The following NMNAT3 variants were observed in gnomAD, a reference collection of about 807,000 sequenced individuals.
NMNAT3 encodes nicotinamide nucleotide adenylyltransferase 3, also known as nicotinamide/nicotinic acid mononucleotide adenylyltransferase 3.
Under a neutral mutation model 24.8 loss-of-function variants are expected in NMNAT3, and 21 were observed. That is an observed-to-expected ratio of 0.85 (90% CI 0.60 to 1.22). The LOEUF (loss-of-function observed/expected upper bound fraction) is 1.22, where lower values mean the gene tolerates loss of function less well. NMNAT3 is among the 50% of genes most tolerant of loss of function. The pLI is 0.00. For missense variants in NMNAT3, 387 were observed against 436.6 expected (o/e 0.89, Z 1.01); for synonymous variants, 136 against 155.2 (o/e 0.88, Z 0.92).
chr3:139,588,272 G>A (rs1035121879), intron 3 of NMNAT3, among the ~76,000 whole-genome samples: 7 of 152,060 alleles, frequency 4.6e-5, no homozygotes, highest in Non-Finnish European at 5.9e-5. Flanking sequence ...GACACTGAGC[G>A]CTCCTTAAGG....
intron 5 of NMNAT3, chr3:139,575,749 C>T: frequency 1.8e-6 from 2 of 1,118,782 alleles, no homozygotes; most frequent in Admixed American, 8.9e-5. Flanking sequence ...CTGAGTGGTA[C>T]CTTGGGCCTG....
chr3:139,665,119 G>A (rs1397244935), intron 1 of NMNAT3, among the ~76,000 whole-genome samples: 8 of 152,126 alleles, frequency 5.3e-5, no homozygotes, highest in African/African-American at 1.9e-4. Flanking sequence ...AGTAGTTCTG[G>A]GCTGACCTGG....
At chr3:139,573,730 A>G (rs370071639) in intron 5 of NMNAT3, 50 bp from the exon 6 acceptor site, 8 of 1,037,758 alleles carry the variant, frequency 7.7e-6, no homozygotes, top group East Asian at 2.7e-5. Context: ...CCAGCCCTCA[A>G]AGCCACCCAG....
chr3:139,622,780 G>C (rs540159417), intron 3 of NMNAT3, among the ~76,000 whole-genome samples: 9 of 135,868 alleles, frequency 6.6e-5, no homozygotes, highest in East Asian at 2.1e-4. Context: ...TCATATATAT[G>C]ATATATATAT....
intron 3 of NMNAT3, among the ~76,000 whole-genome samples, chr3:139,622,738 A>C (rs1303945131): frequency 6.9e-6 from 1 of 145,976 alleles, no homozygotes; most frequent in Admixed American, 7.0e-5. Flanking sequence ...CTGTCTCAAA[A>C]AAAAAGTGTG....
chr3:139,578,768 T>C, intron 5 of NMNAT3, 104 bp downstream of exon 5: 3 of 991,254 alleles, frequency 3.0e-6, no homozygotes, highest in Non-Finnish European at 4.3e-6. Context: ...TGAGAAGGTC[T>C]GGCAGAAACC....
At chr3:139,566,201 A>G (rs1297252113) in intron 6 of NMNAT3, 1 of 152,038 alleles carries the variant, frequency 6.6e-6, no homozygotes, top group African/African-American at 2.4e-5. Flanking sequence ...CCACTTTCTG[A>G]TGGAGTTGTT....
rs192147593 is a variant in NMNAT3, at chr3:139,621,500, T to C, written c.109+6116A>G. On this transcript the variant is annotated intron_variant, in intron 3 of 6. Coordinates refer to ENST00000643695, the MANE Select transcript of NMNAT3 (RefSeq NM_001320510.2). ...GATTCTCATGCCTCTGCCTCCCGAG[T>C]AGCTGTGATTACAGGTGTGTACCAC... Among the ~76,000 whole-genome samples the C allele has an allele frequency of 4.6e-5, 7 of 152,260 alleles. No homozygotes were observed. The South Asian group carries it at 1.5e-3, about 32-fold the overall frequency.
intron 3 of NMNAT3, among the ~76,000 whole-genome samples, chr3:139,600,929 CT>C (rs1183386269): frequency 6.6e-6 from 1 of 152,160 alleles, no homozygotes. Flanking sequence ...TGACCAGAAT[CT>C]TTTCGCAGTA....
chr3:139,592,363 G>T (rs974874563), intron 3 of NMNAT3, among the ~76,000 whole-genome samples: 46 of 152,226 alleles, frequency 3.0e-4, no homozygotes, highest in African/African-American at 7.0e-4. Flanking sequence ...TGAAAGTGAC[G>T]GGGAGAATGG....
At chr3:139,574,043 C>A (rs1938893388) in intron 5 of NMNAT3, among the ~76,000 whole-genome samples, 1 of 152,146 alleles carries the variant, frequency 6.6e-6, no homozygotes, top group African/African-American at 2.4e-5. Flanking sequence ...GACTTGAATT[C>A]AAGACACATT....
rs764992115 is a variant in NMNAT3, at chr3:139,578,946, C to T, written c.501G>A (p.Gln167=). The T allele has an allele frequency of 6.2e-7, 1 of 1,614,226 alleles. No individual in the cohort carries two copies. Among genetic ancestry groups the T allele is most frequent in the South Asian group, 1.1e-5 (1 of 91,088 alleles). ...GGTCCACCCGGATCCAGTCGGATGT[C>T]TGCAGGGCCAGCCGGGCCATGGCCA... Residue 167 remains glutamine, a synonymous_variant, in exon 5 of 7, where the codon CAG becomes CAA. Coordinates refer to ENST00000643695, the MANE Select transcript of NMNAT3 (RefSeq NM_001320510.2).
In NMNAT3 at chr3:139,583,159, C is replaced by T; in HGVS notation, c.159G>A (p.Gln53=). The change falls in exon 4 of 7, where the codon CAG becomes CAA. Residue 53 remains glutamine, a synonymous_variant. Coordinates refer to ENST00000643695, the MANE Select transcript of NMNAT3 (RefSeq NM_001320510.2). ...AAGAAATATCTTTTATTGAGATAGACTGAGGTCCAGGAAAAACAAGTGCAA... is the reference window on the plus strand; with the variant it reads ...AAGAAATATCTTTTATTGAGATAGATTGAGGTCCAGGAAAAACAAGTGCAA... The T allele has an allele frequency of 2.2e-6, 3 of 1,344,188 alleles. No individual in the cohort carries two copies. Among genetic ancestry groups the T allele is most frequent in the Admixed American group, 1.8e-5 (1 of 56,140 alleles). The allele number at this position is 1,344,188 out of a possible 1,614,324, so 83.3% of individuals were successfully genotyped here. A position where few individuals can be genotyped will look rare whatever the true frequency, so the allele number is the denominator to read the frequency against.
At chr3:139,626,070 AG>A (rs1232842922) in intron 3 of NMNAT3, among the ~76,000 whole-genome samples, 1 of 151,862 alleles carries the variant, frequency 6.6e-6, no homozygotes, top group Non-Finnish European at 1.5e-5. Context: ...TGCTTTTGAG[AG>A]ATTTGATTAT....
intron 1 of NMNAT3, among the ~76,000 whole-genome samples, chr3:139,668,940 C>A (rs1317688534): frequency 6.6e-6 from 1 of 152,162 alleles, no homozygotes; most frequent in Non-Finnish European, 1.5e-5. Context: ...ATCTTGAATT[C>A]TTTCTACACA....
intron 3 of NMNAT3, among the ~76,000 whole-genome samples, chr3:139,608,480 G>T (rs1004089408): frequency 6.6e-6 from 1 of 152,188 alleles, no homozygotes; most frequent in Non-Finnish European, 1.5e-5. Flanking sequence ...TCCAGTGAAG[G>T]ACAGTGTCAC....
At chr3:139,566,106 T>A (rs952754874) in intron 6 of NMNAT3, 2 of 152,082 alleles carry the variant, frequency 1.3e-5, no homozygotes, top group African/African-American at 4.8e-5. Context: ...ATTTCTCTGA[T>A]GGCCAGTGAT....
intron 1 of NMNAT3, among the ~76,000 whole-genome samples, chr3:139,670,064 G>T (rs1336446422): frequency 6.6e-6 from 1 of 152,176 alleles, no homozygotes; most frequent in Non-Finnish European, 1.5e-5. Context: ...TTCCATCCAT[G>T]ATTTTTTTCT....
At chr3:139,618,590 A>G (rs920024369) in intron 3 of NMNAT3, among the ~76,000 whole-genome samples, 1 of 152,376 alleles carries the variant, frequency 6.6e-6, no homozygotes, top group East Asian at 1.9e-4. Context: ...TTTGATTTAT[A>G]TGCAAGTAAT....
Sources: allele counts gnomAD v4.1 joint callset (sites outside exome capture counted in the v4.1 genomes callset), GRCh38; gene constraint gnomAD v4.1.1; transcripts MANE v1.5; gene names NCBI Gene and HGNC (gene_info 2026-07-23, HGNC 2026-07-21).